The following ENTHD1 variants were observed in gnomAD, a reference collection of about 807,000 sequenced individuals.
ENTHD1 encodes the protein ENTH domain-containing protein 1.
ENTHD1 carries 23 observed loss-of-function variants against 39.1 expected under a neutral mutation model. The ratio of observed to expected loss-of-function variants is 0.59; its 90% confidence interval spans 0.42 to 0.83. The LOEUF (loss-of-function observed/expected upper bound fraction) is 0.83. Among genes scored for constraint, ENTHD1 ranks in the 40% least tolerant of loss-of-function variants. The probability of loss-of-function intolerance (pLI) is 0.00; values close to 1 mark genes in which losing one functional copy is unlikely to be tolerated. For synonymous variants in ENTHD1, 230 were observed against 258.2 expected (o/e 0.89, Z 1.05); for missense variants, 624 against 705.4 (o/e 0.88, Z 1.31).
intron 5 of ENTHD1, among the ~76,000 whole-genome samples, chr22:39,772,674 A>C (rs2065336349): frequency 6.6e-6 from 1 of 152,202 alleles, no homozygotes; most frequent in Non-Finnish European, 1.5e-5. Context: ...AGTAAATGCA[A>C]TTAACAGGCA....
Position 39,862,018 on chromosome 22 carries a change from C to T in ENTHD1, c.350-11G>A. The T allele has an allele frequency of 6.8e-7, 1 of 1,462,108 alleles. No homozygotes were observed. The highest frequency in any genetic ancestry group is 1.6e-5 in the South Asian group (1 of 63,640). 90.6% of individuals were successfully genotyped at this position (1,462,108 alleles called of 1,614,324 possible). On this transcript the variant is annotated splice_polypyrimidine_tract_variant and intron_variant, in intron 2 of 6. Coordinates refer to ENST00000325157, the MANE Select transcript of ENTHD1 (RefSeq NM_152512.4). ...CCCGGATATAATAACCTGAAAAATA[C>T]ATTGACTCTGCTTAGAAAAGGAAAT...
At chr22:39,767,542 CAA>C (rs1268482719) in intron 5 of ENTHD1, among the ~76,000 whole-genome samples, 1 of 152,140 alleles carries the variant, frequency 6.6e-6, no homozygotes, top group Admixed American at 6.6e-5. Context: ...TATGGTATTT[CAA>C]AGTGACTTTG....
Position 39,875,512 on chromosome 22 carries a change from T to C in ENTHD1, c.349+11888A>G, listed in dbSNP as rs2066281422. 3.7e-6 allele frequency: 6 copies of C among 1,602,236 alleles called. No homozygotes were observed. The South Asian group carries it at 5.6e-5, about 15-fold the overall frequency. ...CCTCCGTGGGCCTCAATGTCCCTGC[T>C]TCTGTTTGTTATTCCCACACAGACG... On this transcript the variant is annotated intron_variant, in intron 2 of 6. Transcript: ENST00000325157.
chr22:39,841,198 C>T (rs1477678446), intron 3 of ENTHD1, among the ~76,000 whole-genome samples: 2 of 152,108 alleles, frequency 1.3e-5, no homozygotes, highest in Non-Finnish European at 2.9e-5. Context: ...GCCCCATTTG[C>T]TTTATTCTCT....
intron 5 of ENTHD1, among the ~76,000 whole-genome samples, chr22:39,798,902 T>C (rs1481304205): frequency 6.6e-6 from 1 of 152,124 alleles, no homozygotes; most frequent in African/African-American, 2.4e-5. Context: ...TCCCAAGGAC[T>C]CTAGGTGGCA....
chr22:39,744,109 G>A lies in ENTHD1; in HGVS notation c.1394C>T (p.Thr465Ile). 1.2e-6 allele frequency: 2 copies of A among 1,614,152 alleles called. No individual in the cohort carries two copies. The highest frequency in any genetic ancestry group is 1.7e-6 in the Non-Finnish European group (2 of 1,179,996). Residue 465 changes from threonine to isoleucine, a missense_variant, in exon 7 of 7, where the codon ACA becomes ATA. By Grantham distance (89) the Thr-to-Ile change is moderately conservative (BLOSUM62 -1). Coordinates refer to ENST00000325157, the MANE Select transcript of ENTHD1 (RefSeq NM_152512.4). ...SSTSFKDEDK[T>I]AKLHHSFASR... is the part of the protein sequence containing the mutation. ...AGCAAAGGAGTGATGCAGCTTGGCTGTCTTATCTTCATCTTTAAAGGAGGT... is the reference window on the plus strand; with the variant it reads ...AGCAAAGGAGTGATGCAGCTTGGCTATCTTATCTTCATCTTTAAAGGAGGT...
At chr22:39,827,008 CAACT>C (rs1209761354) in intron 4 of ENTHD1, among the ~76,000 whole-genome samples, 1 of 150,906 alleles carries the variant, frequency 6.6e-6, no homozygotes, top group Non-Finnish European at 1.5e-5. Context: ...CCACCATGCC[CAACT>C]AATTTTTTTT....
At chr22:39,835,235 A>G (rs925113411) in intron 4 of ENTHD1, among the ~76,000 whole-genome samples, 3 of 152,102 alleles carry the variant, frequency 2.0e-5, no homozygotes, top group Admixed American at 2.0e-4. Context: ...ACATGCCAAC[A>G]GTGGCACAAG....
chr22:39,753,800 T>C (rs1443354444), intron 6 of ENTHD1, among the ~76,000 whole-genome samples: 1 of 152,192 alleles, frequency 6.6e-6, no homozygotes, highest in Non-Finnish European at 1.5e-5. Flanking sequence ...CACTCAGTAC[T>C]GCCCTCCTCT....
chr22:39,847,373 G>A (rs1166413980), intron 3 of ENTHD1, among the ~76,000 whole-genome samples: 2 of 108,148 alleles, frequency 1.8e-5, no homozygotes, highest in African/African-American at 3.5e-5. Context: ...ACTGTTGTGG[G>A]GTGGGGGGAG....
chr22:39,801,013 A>C (rs926104774), intron 5 of ENTHD1, among the ~76,000 whole-genome samples: 1 of 152,230 alleles, frequency 6.6e-6, no homozygotes, highest in Non-Finnish European at 1.5e-5. Context: ...AAGGTATTCT[A>C]ACAGCCCGGG....
At chr22:39,764,417 G>T (rs575563599) in intron 6 of ENTHD1, among the ~76,000 whole-genome samples, 8 of 152,236 alleles carry the variant, frequency 5.3e-5, no homozygotes, top group African/African-American at 1.9e-4. Flanking sequence ...GTTTGAAGCT[G>T]CAGTGAGCTA....
intron 5 of ENTHD1, among the ~76,000 whole-genome samples, chr22:39,770,856 C>T (rs2065315948): frequency 6.6e-6 from 1 of 152,118 alleles, no homozygotes. Flanking sequence ...CTGAGTGTCC[C>T]ATATCTGAAT....
chr22:39,776,221 A>C (rs1357167415), intron 5 of ENTHD1, among the ~76,000 whole-genome samples: 1 of 152,188 alleles, frequency 6.6e-6, no homozygotes, highest in Non-Finnish European at 1.5e-5. Flanking sequence ...TTTGAACACA[A>C]ACATGTAAAT....
intron 3 of ENTHD1, among the ~76,000 whole-genome samples, chr22:39,837,114 A>T (rs187649469): frequency 6.6e-6 from 1 of 152,326 alleles, no homozygotes; most frequent in East Asian, 1.9e-4. Context: ...ATTACTATAT[A>T]TTAGTACCAA....
At chr22:39,874,198 A>G (rs897541795) in intron 2 of ENTHD1, 6 of 152,224 alleles carry the variant, frequency 3.9e-5, no homozygotes, top group African/African-American at 1.4e-4. Context: ...CCCACAAGAC[A>G]TGGAATTCAC....
At chr22:39,745,885 G>A (rs1389709887) in intron 6 of ENTHD1, among the ~76,000 whole-genome samples, 1 of 152,122 alleles carries the variant, frequency 6.6e-6, no homozygotes, top group Non-Finnish European at 1.5e-5. Context: ...TTGCTGTGCA[G>A]GGGTTGGAGC....
At chr22:39,846,496 T>A (rs1383156580) in intron 3 of ENTHD1, among the ~76,000 whole-genome samples, 1 of 152,224 alleles carries the variant, frequency 6.6e-6, no homozygotes, top group Non-Finnish European at 1.5e-5. Context: ...TTTAATTAGA[T>A]CCCATTTGTC....
At chr22:39,859,909 A>G (rs1007218197) in intron 3 of ENTHD1, among the ~76,000 whole-genome samples, 5 of 152,188 alleles carry the variant, frequency 3.3e-5, no homozygotes, top group Non-Finnish European at 7.3e-5. Flanking sequence ...GCAAAGTGCA[A>G]TCGATCGAGG....
Sources: allele counts gnomAD v4.1 joint callset (sites outside exome capture counted in the v4.1 genomes callset), GRCh38; gene constraint gnomAD v4.1.1; transcripts MANE v1.5; gene names NCBI Gene and HGNC (gene_info 2026-07-23, HGNC 2026-07-21).